Variants in ENTREP2 observed in about 807,000 individuals in gnomAD.
ENTREP2 encodes endosomal transmembrane epsin interactor 2.
the ENTREP2 span, among the ~76,000 whole-genome samples, chr15:29,170,368 C>T: frequency 6.7e-4 from 97 of 143,930 alleles, no homozygotes; most frequent in Non-Finnish European, 1.1e-3. Flanking sequence ...CAACAAACAG[C>T]AAGTATAAGT....
chr15:29,444,463 TTTTC>T, the ENTREP2 span, among the ~76,000 whole-genome samples: 4 of 108,852 alleles, frequency 3.7e-5, no homozygotes, highest in East Asian at 2.9e-4. Flanking sequence ...TCCTTCTTTT[TTTTC>T]TTTTTTTCTT....
At chr15:29,336,506 T>TCA in the ENTREP2 span, among the ~76,000 whole-genome samples, 2 of 152,200 alleles carry the variant, frequency 1.3e-5, no homozygotes, top group South Asian at 4.1e-4. Context: ...AGACAAGGTC[T>TCA]CACTATGTTG....
chr15:29,245,108 C>G, the ENTREP2 span, among the ~76,000 whole-genome samples: 1 of 152,304 alleles, frequency 6.6e-6, no homozygotes, highest in Admixed American at 6.5e-5. Context: ...GTACATTCAA[C>G]TGCTTGTACA....
chr15:29,121,097 G>C, the ENTREP2 span: 1 of 152,292 alleles, frequency 6.6e-6, no homozygotes, highest in Non-Finnish European at 1.5e-5. Flanking sequence ...GTTGGGTACA[G>C]TTTCCGTATC....
the ENTREP2 span, among the ~76,000 whole-genome samples, chr15:29,453,121 G>C: frequency 9.9e-5 from 15 of 152,080 alleles, no homozygotes; most frequent in Non-Finnish European, 2.1e-4. Flanking sequence ...GAAATTTCCC[G>C]GCTGTTTAGT....
chr15:29,355,442 A>AGAT, the ENTREP2 span, among the ~76,000 whole-genome samples: 1 of 151,760 alleles, frequency 6.6e-6, no homozygotes, highest in Non-Finnish European at 1.5e-5. Context: ...TAAAAACCAA[A>AGAT]GATGAAGTTT....
At chr15:29,482,792 C>T in the ENTREP2 span, among the ~76,000 whole-genome samples, 2 of 152,150 alleles carry the variant, frequency 1.3e-5, no homozygotes, top group East Asian at 3.9e-4. Flanking sequence ...AATAATGATG[C>T]TATAAATATC....
chr15:29,552,480 T>A, the ENTREP2 span, among the ~76,000 whole-genome samples: 2 of 152,072 alleles, frequency 1.3e-5, no homozygotes, highest in South Asian at 4.1e-4. Context: ...ACACCTGTAG[T>A]CCCAGCTATT....
the ENTREP2 span, among the ~76,000 whole-genome samples, chr15:29,370,732 A>C: frequency 1.3e-5 from 2 of 152,154 alleles, no homozygotes; most frequent in Non-Finnish European, 2.9e-5. Context: ...AGGTGTTCTG[A>C]AGTGCAGGCA....
the ENTREP2 span, among the ~76,000 whole-genome samples, chr15:29,317,276 G>A: frequency 3.3e-5 from 5 of 152,206 alleles, no homozygotes; most frequent in East Asian, 1.9e-4. Context: ...TTGTGGGACC[G>A]CAGTTGCTAA....
the ENTREP2 span, among the ~76,000 whole-genome samples, chr15:29,522,595 C>T: frequency 6.6e-6 from 1 of 152,138 alleles, no homozygotes; most frequent in African/African-American, 2.4e-5. Context: ...GGCACATTAG[C>T]TTGGTGCTAT....
At chr15:29,234,476 C>T in the ENTREP2 span, 13 of 1,469,468 alleles carry the variant, frequency 8.8e-6, no homozygotes. Context: ...CAGCATTCGC[C>T]TATCATATAT....
At chr15:29,434,719 C>T in the ENTREP2 span, among the ~76,000 whole-genome samples, 1 of 152,268 alleles carries the variant, frequency 6.6e-6, no homozygotes, top group Middle Eastern at 3.4e-3. Context: ...CATCCATGCT[C>T]CTCAAGCAGA....
the ENTREP2 span, among the ~76,000 whole-genome samples, chr15:29,431,494 C>T: frequency 0.056 from 8,435 of 151,690 alleles, 266 homozygotes; most frequent in African/African-American, 0.087. Flanking sequence ...TAACTTGCCC[C>T]GGAGACATTT....
At chr15:29,387,620 T>G in the ENTREP2 span, among the ~76,000 whole-genome samples, 1 of 152,140 alleles carries the variant, frequency 6.6e-6, no homozygotes, top group Admixed American at 6.5e-5. Context: ...AAAAAACTAC[T>G]TTAAAGTTCA....
the ENTREP2 span, among the ~76,000 whole-genome samples, chr15:29,174,708 AAC>A: frequency 9.1e-5 from 12 of 132,294 alleles, no homozygotes; most frequent in African/African-American, 3.6e-4. Context: ...AAAACAAAAC[AAC>A]AAAAAAAAAA....
chr15:29,229,169 T>A, the ENTREP2 span, among the ~76,000 whole-genome samples: 1 of 151,608 alleles, frequency 6.6e-6, no homozygotes, highest in Admixed American at 6.6e-5. Flanking sequence ...GTTAAAAGTA[T>A]GAAAAAGAAA....
the ENTREP2 span, among the ~76,000 whole-genome samples, chr15:29,432,601 T>G: frequency 8.5e-5 from 13 of 152,190 alleles, no homozygotes; most frequent in Non-Finnish European, 1.9e-4. Context: ...GGGTCCCCAG[T>G]GCACACTGGG....
the ENTREP2 span, among the ~76,000 whole-genome samples, chr15:29,119,648 T>TAAAAATAA: frequency 0.043 from 178 of 4,138 alleles, 26 homozygotes; most frequent in African/African-American, 0.05. Flanking sequence ...TAAAATAAAA[T>TAAAAATAA]AATAAAATAA....
Sources: allele counts gnomAD v4.1 joint callset (sites outside exome capture counted in the v4.1 genomes callset), GRCh38; gene constraint gnomAD v4.1.1; transcripts MANE v1.5; gene names NCBI Gene and HGNC (gene_info 2026-07-23, HGNC 2026-07-21).